SORCS2: variants seen among roughly 807,000 people sequenced by gnomAD.
SORCS2 encodes the protein VPS10 domain-containing receptor SorCS2.
A neutral mutation model predicts 141.6 loss-of-function variants in SORCS2; 100 were observed. That is an observed-to-expected ratio of 0.71 (90% confidence interval 0.60 to 0.83). The LOEUF (loss-of-function observed/expected upper bound fraction) is 0.83. Ranked by LOEUF, SORCS2 falls within the 40% of genes least tolerant of loss-of-function variation. The probability of loss-of-function intolerance (pLI) is 0.00; values close to 1 mark genes in which losing one functional copy is unlikely to be tolerated. For synonymous variants in SORCS2, 789 were observed against 676.9 expected, an observed-to-expected ratio of 1.17 and a Z score of -2.57; for missense variants, 1,646 against 1,560.2, an observed-to-expected ratio of 1.05 and a Z score of -0.93.
In SORCS2 at chr4:7,625,122, A is replaced by G. The variant is rs537710274; in HGVS notation, c.649-13206A>G. Among the ~76,000 whole-genome samples the G allele has an allele frequency of 1.2e-4, 18 of 152,358 alleles. No individual in the cohort carries two copies. In the East Asian group the frequency reaches 3.5e-3, roughly 29 times the overall value. On this transcript the variant is annotated intron_variant, in intron 3 of 26. Transcript: ENST00000507866. ...TGCCATTAAATTTACAAATGTTCTC[A>G]AGGATGTTTCCTGGCATTTTAGCAA...
At chr4:7,213,022 C>T (rs1001235758) in intron 1 of SORCS2, among the ~76,000 whole-genome samples, 2 of 152,230 alleles carry the variant, frequency 1.3e-5, no homozygotes, top group African/African-American at 2.4e-5. Context: ...CAGCTCTGGG[C>T]GGTGTGACTT....
chr4:7,576,071 G>A (rs1489423168), intron 3 of SORCS2, among the ~76,000 whole-genome samples: 3 of 152,206 alleles, frequency 2.0e-5, no homozygotes, highest in Admixed American at 2.0e-4. Flanking sequence ...GTGCACAGCT[G>A]TGTGTGTGAG....
chr4:7,714,118 T>A, intron 15 of SORCS2, 122 bp from the exon 16 acceptor site: 1 of 1,376,986 alleles, frequency 7.3e-7, no homozygotes, highest in Non-Finnish European at 9.7e-7. Flanking sequence ...TGGGCCTCAG[T>A]TTCCCCATCT....
intron 3 of SORCS2, among the ~76,000 whole-genome samples, chr4:7,572,157 C>A (rs1048849320): frequency 6.6e-6 from 1 of 152,168 alleles, no homozygotes; most frequent in Admixed American, 6.5e-5. Flanking sequence ...CTGGGTCTTC[C>A]TTGGGGCCAA....
At chr4:7,553,612 G>T (rs1349280884) in intron 3 of SORCS2, among the ~76,000 whole-genome samples, 1 of 152,226 alleles carries the variant, frequency 6.6e-6, no homozygotes, top group Non-Finnish European at 1.5e-5. Context: ...GATGAGTGAG[G>T]CTCCATGTGG....
chr4:7,301,096 C>T (rs1440572790), intron 1 of SORCS2, among the ~76,000 whole-genome samples: 1 of 152,156 alleles, frequency 6.6e-6, no homozygotes, highest in African/African-American at 2.4e-5. Context: ...TTCCTCGGCC[C>T]AGCCCTGGCG....
intron 2 of SORCS2, among the ~76,000 whole-genome samples, chr4:7,527,340 T>A (rs1733758821): frequency 6.6e-6 from 1 of 152,236 alleles, no homozygotes; most frequent in African/African-American, 2.4e-5. Flanking sequence ...GGGATTATCC[T>A]GGATTGTCCT....
At chr4:7,388,470 T>C (rs1382625781) in intron 1 of SORCS2, among the ~76,000 whole-genome samples, 1 of 152,138 alleles carries the variant, frequency 6.6e-6, no homozygotes, top group Admixed American at 6.5e-5. Flanking sequence ...AAATAGGTAA[T>C]ACAGCCAAAT....
intron 3 of SORCS2, among the ~76,000 whole-genome samples, chr4:7,584,963 T>C (rs1221023066): frequency 1.3e-5 from 2 of 152,186 alleles, no homozygotes; most frequent in Non-Finnish European, 2.9e-5. Context: ...CAGCGGGTGA[T>C]GTGAATCTCT....
rs56098844 is a variant in SORCS2, at chr4:7,249,812, A to G, written c.480+56686A>G. On this transcript the variant is annotated intron_variant, in intron 1 of 26. Coordinates refer to ENST00000507866, the MANE Select transcript of SORCS2 (RefSeq NM_020777.3). ...TATAGACGACAAGAAAAAAGATGCCAGGACCCGCAGGTTTCCTCTCTCTGG... is the reference window on the plus strand; with the variant it reads ...TATAGACGACAAGAAAAAAGATGCCGGGACCCGCAGGTTTCCTCTCTCTGG... Among the ~76,000 whole-genome samples, 934 of 152,308 alleles carry G rather than the reference A, an allele frequency of 6.1e-3. 12 individuals carry two copies. The highest frequency in any genetic ancestry group is 0.021 in the African/African-American group (855 of 41,556).
At chr4:7,309,012 G>A (rs1239700438) in intron 1 of SORCS2, among the ~76,000 whole-genome samples, 1 of 152,118 alleles carries the variant, frequency 6.6e-6, no homozygotes, top group Non-Finnish European at 1.5e-5. Flanking sequence ...CAGAGCCCTG[G>A]GCAGAATTCT....
intron 1 of SORCS2, among the ~76,000 whole-genome samples, chr4:7,363,336 A>G (rs1435097846): frequency 1.3e-5 from 2 of 152,094 alleles, no homozygotes; most frequent in Non-Finnish European, 2.9e-5. Flanking sequence ...CACCATCAAT[A>G]CTATCACCAC....
intron 2 of SORCS2, among the ~76,000 whole-genome samples, chr4:7,464,958 A>G (rs542117519): frequency 1.3e-5 from 2 of 152,366 alleles, no homozygotes; most frequent in South Asian, 2.1e-4. Context: ...TCCTCGCTGC[A>G]GCCTGAGGCC....
At chr4:7,689,738 C>A in intron 11 of SORCS2, 150 bp downstream of exon 11, 1 of 721,674 alleles carries the variant, frequency 1.4e-6, no homozygotes, top group South Asian at 2.1e-5. Context: ...AAGCTCAGCT[C>A]TCATGGCAAA....
chr4:7,610,293 G>A (rs907678518), intron 3 of SORCS2, among the ~76,000 whole-genome samples: 1 of 152,204 alleles, frequency 6.6e-6, no homozygotes, highest in African/African-American at 2.4e-5. Flanking sequence ...AGATGCTGGT[G>A]TCAAGTTGCC....
chr4:7,530,417 AGCTCAGCAGT>A (rs1450292682), intron 2 of SORCS2, among the ~76,000 whole-genome samples: 3 of 152,156 alleles, frequency 2.0e-5, no homozygotes, highest in Non-Finnish European at 4.4e-5. Context: ...AGCTCAGCAT[AGCTCAGCAGT>A]GATCAGACAT....
At chr4:7,305,034 T>TTC (rs199648289) in intron 1 of SORCS2, among the ~76,000 whole-genome samples, 1,441 of 52,802 alleles carry the variant, frequency 0.027, 9 homozygotes, top group Middle Eastern at 0.086. Context: ...CTGGCTCTTC[T>TTC]TTTTTTTTTT....
chr4:7,240,237 G>A (rs78528220), intron 1 of SORCS2, among the ~76,000 whole-genome samples: 2 of 152,316 alleles, frequency 1.3e-5, no homozygotes, highest in East Asian at 3.9e-4. Flanking sequence ...GTACCTGCGG[G>A]TGTTGCTTGC....
At chr4:7,397,833 G>C (rs780503332) in intron 2 of SORCS2, among the ~76,000 whole-genome samples, 1 of 152,172 alleles carries the variant, frequency 6.6e-6, no homozygotes, top group Non-Finnish European at 1.5e-5. Context: ...TGGGTTCCTC[G>C]GTGACAAAGC....
Sources: allele counts gnomAD v4.1 joint callset (sites outside exome capture counted in the v4.1 genomes callset), GRCh38; gene constraint gnomAD v4.1.1; transcripts MANE v1.5; gene names NCBI Gene and HGNC (gene_info 2026-07-23, HGNC 2026-07-21).